ERC2: variants seen among roughly 807,000 people sequenced by gnomAD.
ERC2 encodes the protein ERC protein 2.
ERC2 carries 42 observed loss-of-function variants against 114.8 expected under a neutral mutation model. The ratio of observed to expected loss-of-function variants is 0.37; its 90% confidence interval spans 0.29 to 0.47. The LOEUF is 0.47. ERC2 is among the 20% of genes least tolerant of loss of function. The pLI is 0.99. For missense variants in ERC2, 939 were observed against 1,150.7 expected (o/e 0.82, Z 2.66); for synonymous variants, 454 against 425.5 (o/e 1.07, Z -0.82).
intron 3 of ERC2, among the ~76,000 whole-genome samples, chr3:56,289,202 C>T (rs760433174): frequency 6.6e-6 from 1 of 152,124 alleles, no homozygotes; most frequent in Non-Finnish European, 1.5e-5. Flanking sequence ...TATCTGCCTG[C>T]ACACAGGTCT....
At chr3:56,200,950 TTAAGCTACC>T (rs2048372693) in intron 3 of ERC2, among the ~76,000 whole-genome samples, 1 of 152,214 alleles carries the variant, frequency 6.6e-6, no homozygotes, top group Non-Finnish European at 1.5e-5. Flanking sequence ...GCTTTTGTTT[TTAAGCTACC>T]ATTTAATGGG....
At chr3:55,557,834 C>G (rs2107461783) in intron 17 of ERC2, among the ~76,000 whole-genome samples, 1 of 152,358 alleles carries the variant, frequency 6.6e-6, no homozygotes, top group African/African-American at 2.4e-5. Context: ...ACCTAAGCAA[C>G]TCCAACTTAT....
intron 3 of ERC2, among the ~76,000 whole-genome samples, chr3:56,213,765 C>A (rs535526803): frequency 5.3e-5 from 8 of 152,174 alleles, no homozygotes; most frequent in African/African-American, 1.4e-4. Flanking sequence ...AGGCACCCCC[C>A]AGTAGGGGCA....
intron 3 of ERC2, among the ~76,000 whole-genome samples, chr3:56,290,713 T>C (rs1163386605): frequency 6.6e-6 from 1 of 152,194 alleles, no homozygotes; most frequent in African/African-American, 2.4e-5. Context: ...TCAGTAAAGG[T>C]CTGAAAGCTT....
At chr3:56,010,094 G>C (rs980385550) in intron 9 of ERC2, among the ~76,000 whole-genome samples, 1 of 152,116 alleles carries the variant, frequency 6.6e-6, no homozygotes, top group African/African-American at 2.4e-5. Context: ...ATAAAGTAGA[G>C]CTATTGTTAC....
intron 2 of ERC2, among the ~76,000 whole-genome samples, chr3:56,358,411 T>C (rs1185268063): frequency 6.6e-6 from 1 of 152,252 alleles, no homozygotes; most frequent in Non-Finnish European, 1.5e-5. Context: ...GAAGAGGCAC[T>C]ATGACATAAT....
chr3:56,243,302 G>A (rs2051447779), intron 3 of ERC2, among the ~76,000 whole-genome samples: 1 of 152,212 alleles, frequency 6.6e-6, no homozygotes, highest in Non-Finnish European at 1.5e-5. Context: ...AAGGAGCTGA[G>A]AGTGTTCTTA....
chr3:56,187,217 G>A (rs1176307865), intron 3 of ERC2, among the ~76,000 whole-genome samples: 1 of 152,120 alleles, frequency 6.6e-6, no homozygotes, highest in African/African-American at 2.4e-5. Flanking sequence ...ACAGGAAAAA[G>A]TTTGGCAATT....
intron 15 of ERC2, among the ~76,000 whole-genome samples, chr3:55,716,269 A>C (rs2064117345): frequency 6.6e-6 from 1 of 152,150 alleles, no homozygotes; most frequent in South Asian, 2.1e-4. Context: ...AACTCTCCCA[A>C]AGATTGTCTG....
chr3:56,365,971 A>G (rs1364774983), intron 2 of ERC2, among the ~76,000 whole-genome samples: 1 of 152,222 alleles, frequency 6.6e-6, no homozygotes, highest in Non-Finnish European at 1.5e-5. Context: ...TGGCCAGACC[A>G]TGTATAACAG....
At chr3:55,665,026 G>A (rs1450068490) in intron 17 of ERC2, among the ~76,000 whole-genome samples, 1 of 152,146 alleles carries the variant, frequency 6.6e-6, no homozygotes, top group Admixed American at 6.5e-5. Flanking sequence ...AAGCTTCAAG[G>A]TGTCTTTACA....
intron 14 of ERC2, among the ~76,000 whole-genome samples, chr3:55,836,170 C>T (rs1224741937): frequency 6.6e-6 from 1 of 152,068 alleles, no homozygotes; most frequent in Non-Finnish European, 1.5e-5. Flanking sequence ...TGAAAATGGC[C>T]ATACTGCCCA....
chr3:55,916,302 T>G (rs1236953176), intron 13 of ERC2, among the ~76,000 whole-genome samples: 1 of 152,286 alleles, frequency 6.6e-6, no homozygotes, highest in South Asian at 2.1e-4. Flanking sequence ...GATTTACTCT[T>G]GGGTTTCCAA....
chr3:55,887,828 C>G (rs768075928), intron 14 of ERC2, among the ~76,000 whole-genome samples: 1 of 152,204 alleles, frequency 6.6e-6, no homozygotes, highest in Non-Finnish European at 1.5e-5. Flanking sequence ...TCCCAAGCCC[C>G]CACCTAGGTG....
chr3:55,532,894 G>A (rs188770368), intron 17 of ERC2, among the ~76,000 whole-genome samples: 1 of 152,356 alleles, frequency 6.6e-6, no homozygotes, highest in African/African-American at 2.4e-5. Flanking sequence ...AGCAGCAACT[G>A]AGAAAGACAA....
intron 14 of ERC2, among the ~76,000 whole-genome samples, chr3:55,761,618 A>T (rs932208729): frequency 6.6e-6 from 1 of 152,110 alleles, no homozygotes; most frequent in Non-Finnish European, 1.5e-5. Context: ...ATGGTTTGGC[A>T]ATGTGTCCCC....
At position 55,710,419 on chromosome 3, in the gene ERC2, A is replaced by G. The variant is rs573039182; in HGVS notation, c.2713-10907T>C. 1.3e-4 allele frequency among the ~76,000 whole-genome samples: 20 copies of G among 152,298 alleles called. No individual in the cohort carries two copies. In the South Asian group the frequency reaches 3.3e-3, roughly 25 times the overall value. Reference sequence around the variant, plus strand: ...TGTGTGTGAATCTGACAGAAATCCAATTTCCAGAAAGGATGAAGTTATACT... The same window carrying G: ...TGTGTGTGAATCTGACAGAAATCCAGTTTCCAGAAAGGATGAAGTTATACT... On this transcript the variant is annotated intron_variant, in intron 15 of 17. Coordinates refer to ENST00000288221, the MANE Select transcript of ERC2 (RefSeq NM_015576.3).
chr3:55,759,866 G>T (rs867969731), intron 14 of ERC2, among the ~76,000 whole-genome samples: 18 of 152,306 alleles, frequency 1.2e-4, no homozygotes, highest in Middle Eastern at 3.4e-3. Context: ...TAATTAAATT[G>T]TGCTTAACGA....
intron 3 of ERC2, among the ~76,000 whole-genome samples, chr3:56,290,734 A>T (rs772825335): frequency 1.4e-4 from 22 of 152,222 alleles, no homozygotes; most frequent in Non-Finnish European, 2.5e-4. Flanking sequence ...AAGAAATTCC[A>T]GGTAATACCT....
Sources: gnomAD v4.1 joint callset for allele counts (sites outside exome capture counted in the v4.1 genomes callset) on GRCh38, gnomAD v4.1.1 for gene constraint, MANE v1.5 for transcripts, NCBI Gene and HGNC (gene_info 2026-07-23, HGNC 2026-07-21) for gene names.